Variants in BLTP3B observed in about 807,000 individuals in gnomAD.
BLTP3B encodes the protein UHRF1 (ICBP90) binding protein 1-like.
At chr12:100,088,605 T>G in the BLTP3B span, among the ~76,000 whole-genome samples, 1 of 152,356 alleles carries the variant, frequency 6.6e-6, no homozygotes, top group East Asian at 1.9e-4. Flanking sequence ...ATCAAAAAGT[T>G]AATTCAAAGG....
the BLTP3B span, among the ~76,000 whole-genome samples, chr12:100,128,113 A>G: frequency 6.6e-6 from 1 of 152,224 alleles, no homozygotes; most frequent in Non-Finnish European, 1.5e-5. Context: ...ACTATCATTA[A>G]ATACACAAAA....
At chr12:100,048,771 A>AGTGAGTGTGT in the BLTP3B span, among the ~76,000 whole-genome samples, 1 of 114,980 alleles carries the variant, frequency 8.7e-6, no homozygotes, top group African/African-American at 3.3e-5. Flanking sequence ...AGTGAGAGTG[A>AGTGAGTGTGT]GTGTGTGTGT....
chr12:100,086,179 G>C, the BLTP3B span: 1 of 763,328 alleles, frequency 1.3e-6, no homozygotes, highest in East Asian at 3.1e-5. Flanking sequence ...CTCATTTCTT[G>C]TTAACAAATA....
chr12:100,078,449 C>T, the BLTP3B span, among the ~76,000 whole-genome samples: 1 of 152,080 alleles, frequency 6.6e-6, no homozygotes, highest in Admixed American at 6.5e-5. Context: ...TACAACAACA[C>T]AAGAACAGCC....
chr12:100,078,508 C>T, the BLTP3B span, among the ~76,000 whole-genome samples: 85 of 152,276 alleles, frequency 5.6e-4, no homozygotes, highest in Middle Eastern at 0.01. Context: ...AGCAAAACGA[C>T]GCAGGGTGGA....
the BLTP3B span, among the ~76,000 whole-genome samples, chr12:100,107,839 A>T: frequency 6.6e-6 from 1 of 152,102 alleles, no homozygotes; most frequent in Non-Finnish European, 1.5e-5. Context: ...GACTCAACCG[A>T]TCATCCTGCT....
the BLTP3B span, among the ~76,000 whole-genome samples, chr12:100,073,064 A>G: frequency 4.6e-5 from 7 of 152,204 alleles, no homozygotes; most frequent in African/African-American, 1.4e-4. Flanking sequence ...TTCCTTACAA[A>G]CTTATTATTG....
chr12:100,088,990 T>C, the BLTP3B span: 1 of 1,612,312 alleles, frequency 6.2e-7, no homozygotes, highest in Non-Finnish European at 8.5e-7. Flanking sequence ...GAGGTTTCCT[T>C]AACATCAAAA....
chr12:100,140,732 ATATAT>A, the BLTP3B span, among the ~76,000 whole-genome samples: 8 of 85,500 alleles, frequency 9.4e-5, no homozygotes, highest in African/African-American at 3.3e-4. Context: ...AAAAAAAAAT[ATATAT>A]ATATATATAT....
the BLTP3B span, among the ~76,000 whole-genome samples, chr12:100,090,456 A>T: frequency 2.0e-5 from 3 of 152,192 alleles, no homozygotes; most frequent in Non-Finnish European, 4.4e-5. Flanking sequence ...TATAATAATT[A>T]TAAGACCAAA....
chr12:100,084,752 C>A, the BLTP3B span: 1 of 1,302,038 alleles, frequency 7.7e-7, no homozygotes, highest in Non-Finnish European at 1.0e-6. Context: ...GTCGTTTATT[C>A]AAGAAAGACT....
the BLTP3B span, chr12:100,084,568 T>C: frequency 6.2e-7 from 1 of 1,614,148 alleles, no homozygotes; most frequent in South Asian, 1.1e-5. Context: ...CATTTCAACG[T>C]TGCACTCAAA....
the BLTP3B span, among the ~76,000 whole-genome samples, chr12:100,135,854 A>G: frequency 6.6e-6 from 1 of 152,186 alleles, no homozygotes; most frequent in Non-Finnish European, 1.5e-5. Flanking sequence ...CACTCATTAA[A>G]TTATTTTAAA....
At chr12:100,058,489 C>A in the BLTP3B span, 1 of 1,613,314 alleles carries the variant, frequency 6.2e-7, no homozygotes, top group Non-Finnish European at 8.5e-7. Flanking sequence ...GATCTGTTGT[C>A]TGACATATGA....
At chr12:100,127,644 C>T in the BLTP3B span, among the ~76,000 whole-genome samples, 1 of 152,128 alleles carries the variant, frequency 6.6e-6, no homozygotes, top group African/African-American at 2.4e-5. Context: ...AACATAATTG[C>T]TTTCCCTGAT....
chr12:100,114,775 T>C, the BLTP3B span, among the ~76,000 whole-genome samples: 2 of 152,186 alleles, frequency 1.3e-5, no homozygotes, highest in Admixed American at 1.3e-4. Context: ...TCACAGCCCA[T>C]GGGCCTCATC....
the BLTP3B span, among the ~76,000 whole-genome samples, chr12:100,104,124 G>A: frequency 4.0e-5 from 6 of 150,962 alleles, no homozygotes; most frequent in Non-Finnish European, 5.9e-5. Context: ...GAAACCAGAT[G>A]TACCCATTTT....
the BLTP3B span, among the ~76,000 whole-genome samples, chr12:100,142,390 G>C: frequency 6.6e-6 from 1 of 152,194 alleles, no homozygotes; most frequent in African/African-American, 2.4e-5. Context: ...AGACGCGTCA[G>C]GGGCCGATTC....
At chr12:100,058,705 T>C in the BLTP3B span, 1 of 1,614,010 alleles carries the variant, frequency 6.2e-7, no homozygotes, top group Non-Finnish European at 8.5e-7. Flanking sequence ...CCAATACAAA[T>C]GGATGTCTGA....
Sources: gnomAD v4.1 joint callset for allele counts (sites outside exome capture counted in the v4.1 genomes callset) on GRCh38, gnomAD v4.1.1 for gene constraint, MANE v1.5 for transcripts, NCBI Gene and HGNC (gene_info 2026-07-23, HGNC 2026-07-21) for gene names.